RAP1GAP: variants seen among roughly 807,000 people sequenced by gnomAD.
RAP1GAP encodes the protein rap1 GTPase-activating protein 1.
Under a neutral mutation model 87.2 loss-of-function variants are expected in RAP1GAP, and 35 were observed. The observed-to-expected ratio is 0.40, with a 90% CI of 0.31 to 0.53. RAP1GAP has a LOEUF of 0.53. Among genes scored for constraint, RAP1GAP ranks in the 20% least tolerant of loss-of-function variants. The pLI is 0.48. For missense variants in RAP1GAP, 734 were observed against 898.9 expected (o/e 0.82, Z 2.35); for synonymous variants, 375 against 363.9 (o/e 1.03, Z -0.35).
intron 1 of RAP1GAP, among the ~76,000 whole-genome samples, chr1:21,666,472 G>A (rs1571579215): frequency 6.6e-6 from 1 of 152,234 alleles, no homozygotes; most frequent in East Asian, 1.9e-4. Context: ...AGCCTGGGGA[G>A]AGGCTCCCGT....
At chr1:21,627,514 C>T (rs1303642322) in intron 2 of RAP1GAP, among the ~76,000 whole-genome samples, 8 of 150,008 alleles carry the variant, frequency 5.3e-5, no homozygotes, top group Middle Eastern at 3.4e-3. Flanking sequence ...CTCCCGAGTT[C>T]GAGCGATTCT....
chr1:21,608,120 C>T lies in RAP1GAP; in HGVS notation c.1296+93G>A, dbSNP rs919632250. 7 of 1,534,862 alleles carry T rather than the reference C, an allele frequency of 4.6e-6. No individual in the cohort carries two copies. The East Asian group carries it at 9.1e-5, about 20-fold the overall frequency. ...ACGCCCCTTCTGCCAGACTCCACCC[C>T]CACGCCGTGTCCATCAGTCTATCAG... On this transcript the variant is annotated intron_variant, in intron 17 of 24. Coordinates refer to ENST00000374765, the MANE Select transcript of RAP1GAP (RefSeq NM_002885.4).
chr1:21,617,679 G>C (rs538053874), intron 6 of RAP1GAP, among the ~76,000 whole-genome samples, 188 bp from the exon 7 acceptor site: 1 of 152,344 alleles, frequency 6.6e-6, no homozygotes, highest in Non-Finnish European at 1.5e-5. Context: ...ACAGCGCCGA[G>C]ACCCAAGTCT....
chr1:21,660,339 C>CTA (rs1553503813), intron 1 of RAP1GAP, among the ~76,000 whole-genome samples: 1 of 52,858 alleles, frequency 1.9e-5, no homozygotes, highest in Non-Finnish European at 4.2e-5. Context: ...TCCAACTCAG[C>CTA]TATATATATT....
At chr1:21,656,807 C>A (rs1223903083) in intron 1 of RAP1GAP, among the ~76,000 whole-genome samples, 1 of 152,354 alleles carries the variant, frequency 6.6e-6, no homozygotes, top group East Asian at 1.9e-4. Flanking sequence ...TACCTGCCCC[C>A]ACTCAGGCCC....
At position 21,658,440 on chromosome 1, in the gene RAP1GAP, C is replaced by T. The variant is rs189195322; in HGVS notation, c.-148-8644G>A. 2.0e-4 allele frequency among the ~76,000 whole-genome samples: 30 copies of T among 152,126 alleles called. No individual in the cohort carries two copies. In the East Asian group the frequency reaches 5.4e-3, roughly 27 times the overall value. ...AAAATTAGCCAGGTGTGGTGGCATG[C>T]GCCTGTAGTCTCAGCTACTCAGGAG... On this transcript the variant is annotated intron_variant, in intron 1 of 24. Transcript: ENST00000374765.
At chr1:21,653,644 C>T (rs1192809444) in intron 1 of RAP1GAP, among the ~76,000 whole-genome samples, 3 of 151,648 alleles carry the variant, frequency 2.0e-5, no homozygotes, top group Non-Finnish European at 4.4e-5. Context: ...ACCTTCCTCC[C>T]TCCCTTCCTC....
chr1:21,604,131 G>C (rs2148878542), intron 18 of RAP1GAP, among the ~76,000 whole-genome samples: 1 of 152,154 alleles, frequency 6.6e-6, no homozygotes, highest in Admixed American at 6.6e-5. Context: ...AGGGAGACGG[G>C]GGAGAGATGG....
rs2088601165 is a variant in RAP1GAP at position 21,622,266 on chromosome 1, G to A, written c.-18-2216C>T. 6.9e-6 allele frequency: 3 copies of A among 436,546 alleles called. No homozygotes were observed. Among genetic ancestry groups the A allele is most frequent in the South Asian group, 6.9e-5 (2 of 28,936 alleles). 27.0% of individuals were successfully genotyped at this position (436,546 alleles called of 1,614,324 possible). ...GCCCGCCCTGGCTGGGGCAGAGCCG[G>A]CCGGGCTCCCCAGCAGTCGGGGTGA... On this transcript the variant is annotated intron_variant, in intron 3 of 24. Coordinates refer to ENST00000374765, the MANE Select transcript of RAP1GAP (RefSeq NM_002885.4). The surrounding 1 kb of genome is among the most constrained non-coding windows in gnomAD (Gnocchi z 5.7).
intron 2 of RAP1GAP, chr1:21,626,992 GC>G (rs1280092454): frequency 2.2e-6 from 1 of 456,754 alleles, no homozygotes; most frequent in South Asian, 1.5e-5. Context: ...CGGCAGCAAA[GC>G]TAGCATCTGC....
chr1:21,611,860 A>C, intron 11 of RAP1GAP, 44 bp from the exon 12 acceptor site: 1 of 1,560,918 alleles, frequency 6.4e-7, no homozygotes, highest in South Asian at 1.1e-5. Flanking sequence ...GTTCCTGAGA[A>C]GCCCCTGCCC....
intron 1 of RAP1GAP, among the ~76,000 whole-genome samples, chr1:21,654,215 C>A (rs1468063178): frequency 6.6e-6 from 1 of 152,212 alleles, no homozygotes; most frequent in African/African-American, 2.4e-5. Flanking sequence ...ATCCTGTTAA[C>A]CTGCAAGACC....
At chr1:21,666,500 G>A (rs2097353823) in intron 1 of RAP1GAP, among the ~76,000 whole-genome samples, 1 of 152,230 alleles carries the variant, frequency 6.6e-6, no homozygotes, top group Non-Finnish European at 1.5e-5. Context: ...CGCTGGGTAT[G>A]TACACAGAGG....
intron 2 of RAP1GAP, chr1:21,627,027 C>T (rs2150317753): frequency 2.2e-6 from 1 of 456,552 alleles, no homozygotes; most frequent in African/African-American, 2.0e-5. Context: ...GAGTCTAAGC[C>T]CGGACTCTCT....
At chr1:21,620,507 G>C (rs1156434651) in intron 3 of RAP1GAP, among the ~76,000 whole-genome samples, 3 of 151,466 alleles carry the variant, frequency 2.0e-5, no homozygotes, top group Non-Finnish European at 2.9e-5. Context: ...TGAGCTGGGG[G>C]TGCTTCAGGG....
At chr1:21,597,756 G>A (rs1197588155) in intron 23 of RAP1GAP, 28 bp from the exon 24 acceptor site, 1 of 1,613,258 alleles carries the variant, frequency 6.2e-7, no homozygotes, top group East Asian at 2.2e-5. Context: ...TGGTGAGGCA[G>A]GTGGCAAGAC....
At chr1:21,666,429 G>T (rs2097349798) in intron 1 of RAP1GAP, among the ~76,000 whole-genome samples, 2 of 152,234 alleles carry the variant, frequency 1.3e-5, no homozygotes, top group South Asian at 4.1e-4. Context: ...GGAAGGACCT[G>T]CAGAACAACA....
chr1:21,601,400 A>G (rs546059450), intron 20 of RAP1GAP, among the ~76,000 whole-genome samples: 4 of 152,166 alleles, frequency 2.6e-5, no homozygotes, highest in African/African-American at 9.6e-5. Context: ...TATCACCATG[A>G]TCCGGCAACA....
chr1:21,620,354 C>T (rs912939489), intron 3 of RAP1GAP, among the ~76,000 whole-genome samples: 3 of 152,190 alleles, frequency 2.0e-5, no homozygotes, highest in Admixed American at 6.5e-5. Context: ...GTCCCCAAGT[C>T]CCAGCTGCAG....
Sources: gnomAD v4.1 joint callset for allele counts (sites outside exome capture counted in the v4.1 genomes callset) on GRCh38, gnomAD v4.1.1 for gene constraint, Gnocchi (gnomAD v3.1) non-coding constraint, MANE v1.5 for transcripts, NCBI Gene and HGNC (gene_info 2026-07-23, HGNC 2026-07-21) for gene names.